The following FOXO1 variants were observed in gnomAD, a reference collection of about 807,000 sequenced individuals.
The protein encoded by FOXO1 is forkhead box protein O1.
Under a neutral mutation model 44.1 loss-of-function variants are expected in FOXO1, and 6 were observed. The ratio of observed to expected loss-of-function variants is 0.14; its 90% CI spans 0.07 to 0.27. The LOEUF (loss-of-function observed/expected upper bound fraction) is 0.27. Among genes scored for constraint, FOXO1 ranks in the 10% least tolerant of loss-of-function variants. The pLI, the probability that FOXO1 is intolerant of heterozygous loss-of-function variation, is 1.00. For synonymous variants in FOXO1, 380 were observed against 362.7 expected, an observed-to-expected ratio of 1.05 and a Z score of -0.54; for missense variants, 737 against 888.8, an observed-to-expected ratio of 0.83 and a Z score of 2.17.
chr13:40,652,857 T>C (rs1370517868), intron 1 of FOXO1, among the ~76,000 whole-genome samples: 1 of 152,216 alleles, frequency 6.6e-6, no homozygotes, highest in East Asian at 1.9e-4. Flanking sequence ...CAAATATTTA[T>C]GTGGTTATTT....
intron 1 of FOXO1, among the ~76,000 whole-genome samples, chr13:40,598,716 T>C (rs888420958): frequency 3.3e-5 from 5 of 152,200 alleles, no homozygotes; most frequent in African/African-American, 1.2e-4. Context: ...ACTCCCAGTG[T>C]GGTTCTGAGG....
At chr13:40,618,301 C>T (rs1876493538) in intron 1 of FOXO1, among the ~76,000 whole-genome samples, 1 of 152,134 alleles carries the variant, frequency 6.6e-6, no homozygotes, top group Non-Finnish European at 1.5e-5. Flanking sequence ...CTCCTGGACT[C>T]AAGAGATCCA....
intron 1 of FOXO1, among the ~76,000 whole-genome samples, chr13:40,648,504 T>C (rs916765170): frequency 3.3e-5 from 5 of 152,244 alleles, no homozygotes; most frequent in African/African-American, 7.2e-5. Flanking sequence ...ACTATTTTCA[T>C]AGGCTCAGGC....
chr13:40,620,300 A>G, intron 1 of FOXO1: 1 of 983,064 alleles, frequency 1.0e-6, no homozygotes, highest in Non-Finnish European at 1.6e-6. Context: ...CATCCAGAGT[A>G]GGGCTAACAG....
rs566818124 is a variant in FOXO1 at position 40,561,968 on chromosome 13, T to C, written c.631-1108A>G. 5.1e-5 allele frequency among the ~76,000 whole-genome samples: 7 copies of C among 137,018 alleles called. No individual in the cohort carries two copies. The South Asian group carries it at 6.9e-4, about 13-fold the overall frequency. 89.9% of individuals were successfully genotyped at this position (137,018 alleles called of 152,430 possible). A position where few individuals can be genotyped will look rare whatever the true frequency, so the allele number is the denominator to read the frequency against. On this transcript the variant is annotated intron_variant, in intron 1 of 2. Transcript: ENST00000379561. ...CAAAAAAAAAAAAAAAAAAAGAATA[T>C]AGAAATATAGAGCTGATCAAGAATT...
intron 1 of FOXO1, among the ~76,000 whole-genome samples, chr13:40,651,583 A>G (rs1229409912): frequency 6.6e-6 from 1 of 152,110 alleles, no homozygotes; most frequent in African/African-American, 2.4e-5. Context: ...TGTAGTCATC[A>G]ACTGCTAAAT....
At chr13:40,576,738 A>T (rs554660611) in intron 1 of FOXO1, among the ~76,000 whole-genome samples, 53 of 152,278 alleles carry the variant, frequency 3.5e-4, no homozygotes, top group African/African-American at 1.1e-3. Context: ...GCATAATCTG[A>T]TATTTTCATA....
At chr13:40,622,621 C>T (rs1876653927) in intron 1 of FOXO1, among the ~76,000 whole-genome samples, 1 of 152,146 alleles carries the variant, frequency 6.6e-6, no homozygotes, top group South Asian at 2.1e-4. Flanking sequence ...CTCCTGCCTG[C>T]TTGACATAAT....
chr13:40,619,554 A>T, intron 1 of FOXO1: 2 of 1,412,926 alleles, frequency 1.4e-6, no homozygotes, highest in South Asian at 2.3e-5. Context: ...GAGATTATAC[A>T]AACATTCCAC....
rs1566085404 is a variant in FOXO1 at position 40,651,108 on chromosome 13, TTTG to T, written c.630+14472_630+14474del. ...GGTTTTTTGTTTTTTGTTTTTTGTT[TTTG>T]TTTTTTTTTAAGAAACATGGTCCCA... On this transcript the variant is annotated intron_variant, in intron 1 of 2. Transcript: ENST00000379561. 4.8e-4 allele frequency among the ~76,000 whole-genome samples: 72 copies of T among 150,450 alleles called. 2 individuals carry two copies. In the South Asian group the frequency reaches 0.014, roughly 29 times the overall value.
rs369516414 is a variant in FOXO1, at chr13:40,560,282, C to T, written c.1209G>A (p.Pro403=). 275 of 1,614,140 alleles carry T rather than the reference C, an allele frequency of 1.7e-4. No homozygotes were observed. The highest frequency in any genetic ancestry group is 2.1e-4 in the Non-Finnish European group (250 of 1,180,020). ...TGTTTGGTGGCGCAAACGAGTAGCA[C>T]GGCGTCTGCTGCATCATGGTGCCAG... is the stretch of plus-strand genomic sequence containing the variant. ...SSPGTMMQQT[P]CYSFAPPNTS... is the part of the protein sequence containing the mutation. The change falls in exon 2 of 3, where the codon CCG becomes CCA. Residue 403 remains proline, a synonymous_variant. Transcript: ENST00000379561. This position sits in a 1 kb window ranked among gnomAD's most constrained non-coding sequence, Gnocchi z 5.1.
chr13:40,607,363 C>A (rs1275983543), intron 1 of FOXO1, among the ~76,000 whole-genome samples: 2 of 152,210 alleles, frequency 1.3e-5, no homozygotes, highest in African/African-American at 2.4e-5. Context: ...AGAAAGCTGT[C>A]CATCCTAGGC....
At chr13:40,562,922 A>G (rs1277021315) in intron 1 of FOXO1, among the ~76,000 whole-genome samples, 5 of 152,226 alleles carry the variant, frequency 3.3e-5, no homozygotes, top group African/African-American at 1.2e-4. Flanking sequence ...CCCCCAGCAC[A>G]GTACAGGGCA....
chr13:40,646,478 C>T (rs868029849), intron 1 of FOXO1, among the ~76,000 whole-genome samples: 30 of 152,108 alleles, frequency 2.0e-4, no homozygotes, highest in Middle Eastern at 3.4e-3. Flanking sequence ...CCGTGAGCTG[C>T]GCCCAGCCAA....
intron 1 of FOXO1, among the ~76,000 whole-genome samples, chr13:40,567,863 G>A (rs1874329867): frequency 6.6e-6 from 1 of 152,046 alleles, no homozygotes; most frequent in African/African-American, 2.4e-5. Context: ...AGGTACTCGG[G>A]AGACTGAGGC....
chr13:40,566,968 C>T (rs989524413), intron 1 of FOXO1, among the ~76,000 whole-genome samples: 9 of 152,130 alleles, frequency 5.9e-5, no homozygotes, highest in Non-Finnish European at 1.5e-5. Context: ...CCTGGTCCCA[C>T]CCTCTGCTTG....
intron 1 of FOXO1, among the ~76,000 whole-genome samples, chr13:40,643,118 G>C (rs942899959): frequency 4.6e-5 from 7 of 152,112 alleles, no homozygotes; most frequent in African/African-American, 1.7e-4. Context: ...AAAGCAGGTG[G>C]ATCATTTGAG....
At chr13:40,568,386 T>C (rs1874351842) in intron 1 of FOXO1, among the ~76,000 whole-genome samples, 1 of 152,108 alleles carries the variant, frequency 6.6e-6, no homozygotes. Context: ...CCCTCCTCCT[T>C]CCTCTCTTTT....
At chr13:40,575,991 C>T in intron 1 of FOXO1, among the ~76,000 whole-genome samples, 1 of 152,150 alleles carries the variant, frequency 6.6e-6, no homozygotes, top group East Asian at 1.9e-4. Context: ...CCAGACTGGC[C>T]CAGTTCAAAC....
Sources: allele counts gnomAD v4.1 joint callset (sites outside exome capture counted in the v4.1 genomes callset), GRCh38; gene constraint gnomAD v4.1.1; non-coding constraint Gnocchi (gnomAD v3.1); transcripts MANE v1.5; gene names NCBI Gene and HGNC (gene_info 2026-07-23, HGNC 2026-07-21).